The following CLCN1 variants were observed in gnomAD, a reference collection of about 807,000 sequenced individuals.
The protein encoded by CLCN1 is chloride voltage-gated channel 1.
A neutral mutation model predicts 114.5 loss-of-function variants in CLCN1; 100 were observed. The observed-to-expected ratio is 0.87, with a 90% CI of 0.74 to 1.03. CLCN1 has a LOEUF of 1.03. Ranked by LOEUF, CLCN1 falls within the 50% of genes least tolerant of loss-of-function variation. CLCN1 has a pLI of 0.00. For missense variants in CLCN1, 1,188 were observed against 1,250.0 expected (o/e 0.95, Z 0.75); for synonymous variants, 485 against 487.1 (o/e 1.00, Z 0.06).
At chr7:143,329,847 T>C (rs1027354750) in intron 7 of CLCN1, among the ~76,000 whole-genome samples, 1 of 151,976 alleles carries the variant, frequency 6.6e-6, no homozygotes, top group Non-Finnish European at 1.5e-5. Flanking sequence ...TGCATCAGAT[T>C]AAAGTCCACC....
At chr7:143,337,099 T>G (rs572800457) in intron 12 of CLCN1, among the ~76,000 whole-genome samples, 14 of 152,222 alleles carry the variant, frequency 9.2e-5, no homozygotes, top group Non-Finnish European at 2.1e-4. Context: ...TCTGGTCATC[T>G]GCATTTTAAA....
At chr7:143,345,992 A>G (rs1803232302) in intron 17 of CLCN1, 148 bp from the exon 18 acceptor site, 1 of 788,856 alleles carries the variant, frequency 1.3e-6, no homozygotes, top group Non-Finnish European at 2.2e-6. Context: ...AGATGATGGT[A>G]TCCTCGACAA....
In CLCN1 at chr7:143,346,559, C is replaced by A. The variant is rs993813533; in HGVS notation, c.2285-20C>A. 2.5e-6 allele frequency: 4 copies of A among 1,578,312 alleles called. No individual in the cohort carries two copies. The highest frequency in any genetic ancestry group is 3.5e-6 in the Non-Finnish European group (4 of 1,150,300). On this transcript the variant is annotated intron_variant, in intron 18 of 22. Coordinates refer to ENST00000343257, the MANE Select transcript of CLCN1 (RefSeq NM_000083.3). ...CCTGTTGCTTTGTGTCCATTTCCAT[C>A]CACTCACCTGTCCTCTCAGGTCAAA...
At chr7:143,318,991 G>A (rs1362560895) in intron 1 of CLCN1, among the ~76,000 whole-genome samples, 1 of 152,234 alleles carries the variant, frequency 6.6e-6, no homozygotes, top group Non-Finnish European at 1.5e-5. Flanking sequence ...GACAGTTAGT[G>A]TAGTGGGAGT....
At position 143,339,123 on chromosome 7, in the gene CLCN1, A is replaced by T; in HGVS notation, c.1402-130A>T. The T allele has an allele frequency of 1.3e-6, 1 of 777,124 alleles. No homozygotes were observed. The highest frequency in any genetic ancestry group is 2.5e-5 in the East Asian group (1 of 40,552). The allele number at this position is 777,124 out of a possible 1,614,324, so 48.1% of individuals were successfully genotyped here. A position where few individuals can be genotyped will look rare whatever the true frequency, so the allele number is the denominator to read the frequency against. The stretch of plus-strand genomic sequence containing the variant: ...TTTGTTTCTGGAAGAAGGGTGACAG[A>T]CAAAGTGACTTTCAGAAGGATCAGC... On this transcript the variant is annotated intron_variant, in intron 12 of 22. Transcript: ENST00000343257. The surrounding 1 kb of genome is among the most constrained non-coding windows in gnomAD (Gnocchi z 4.1).
chr7:143,346,316 G>T, intron 18 of CLCN1, 65 bp downstream of exon 18: 1 of 1,106,450 alleles, frequency 9.0e-7, no homozygotes, highest in Non-Finnish European at 1.4e-6. Context: ...ACTAGGACCT[G>T]ACCTTGACCT....
Position 143,316,240 on chromosome 7 carries a change from G to T in CLCN1, c.28G>T (p.Gly10Trp). 6.2e-7 allele frequency: 1 copy of T among 1,613,546 alleles called. No homozygotes were observed. The highest frequency in any genetic ancestry group is 8.5e-7 in the Non-Finnish European group (1 of 1,179,650). Residue 10 changes from glycine (G) to tryptophan (W), a missense_variant, in exon 1 of 23, where the codon GGG (glycine) becomes TGG (tryptophan). Physicochemically the swap from Gly to Trp is radical, Grantham distance 184. Transcript: ENST00000343257. ...GGAGCAATCCCGGTCACAGCAGCGT[G>T]GGGGTGAACAAAGCTGGTGGGGTAG... is the stretch of plus-strand genomic sequence containing the variant. MEQSRSQQRGGEQSWWGSDP... is the reference protein window; with the variant it reads MEQSRSQQRWGEQSWWGSDP...
rs764384808 is a variant in CLCN1, at chr7:143,316,149, C to T, written c.-64C>T. 1 of 1,353,176 alleles carries T rather than the reference C, an allele frequency of 7.4e-7. No individual in the cohort carries two copies. Among genetic ancestry groups the T allele is most frequent in the Non-Finnish European group, 1.1e-6 (1 of 948,550 alleles). 83.8% of individuals were successfully genotyped at this position (1,353,176 alleles called of 1,614,324 possible). Reference sequence around the variant, plus strand: ...ACAGCAAGAGCAGAGGCTTAAGGAGCTACACTGGGGGAAGGACAGGGGCAA... The same window carrying T: ...ACAGCAAGAGCAGAGGCTTAAGGAGTTACACTGGGGGAAGGACAGGGGCAA... On this transcript the variant is annotated 5_prime_UTR_variant, in exon 1 of 23. Transcript: ENST00000343257.
chr7:143,320,739 T>TG lies in CLCN1; in HGVS notation c.378dup (p.Leu127AlafsTer132), dbSNP rs1320040467. ...GGGATCTTTCTGGTGCTTCTGGGACTGCTGATGGCTCTGGTCAGCTGGAGC... is the reference window on the plus strand; with the variant it reads ...GGGATCTTTCTGGTGCTTCTGGGACTGGCTGATGGCTCTGGTCAGCTGGAGC... On this transcript the variant is annotated frameshift_variant, in exon 3 of 23. Coordinates refer to ENST00000343257, the MANE Select transcript of CLCN1 (RefSeq NM_000083.3). LOFTEE classifies it high-confidence loss of function. 1.2e-6 allele frequency: 2 copies of TG among 1,613,738 alleles called. No individual in the cohort carries two copies.
chr7:143,331,542 C>T lies in CLCN1; in HGVS notation c.1065-9C>T, dbSNP rs1422205428. The T allele has an allele frequency of 2.5e-6, 4 of 1,587,562 alleles. No individual in the cohort carries two copies. In the South Asian group the frequency reaches 3.3e-5, roughly 13 times the overall value. ...TGTAAGATTCCAACTCTATAAATTA[C>T]ACCCTCAGGATTTGCTGTGGGCTCC... On this transcript the variant is annotated splice_polypyrimidine_tract_variant and intron_variant, in intron 9 of 22. Transcript: ENST00000343257.
chr7:143,346,755 C>T (rs1264404887), intron 19 of CLCN1, 97 bp downstream of exon 19: 2 of 1,246,012 alleles, frequency 1.6e-6, no homozygotes, highest in African/African-American at 3.0e-5. Flanking sequence ...AGAGACCCCA[C>T]CAAGGAGGAG....
chr7:143,320,581 C>CTCTCTG (rs1302789658), intron 2 of CLCN1, 83 bp from the exon 3 acceptor site: 1 of 1,143,138 alleles, frequency 8.7e-7, no homozygotes, highest in Non-Finnish European at 1.3e-6. Context: ...CTCTCTCTCT[C>CTCTCTG]TCTCTGTCTC....
At chr7:143,342,265 C>A in intron 15 of CLCN1, 107 bp from the exon 16 acceptor site, 2 of 1,476,744 alleles carry the variant, frequency 1.4e-6, no homozygotes, top group Non-Finnish European at 1.9e-6. Context: ...TATTCTCATG[C>A]ACCTAGTAGA....
chr7:143,325,894 CAT>C (rs1159754243), intron 7 of CLCN1, among the ~76,000 whole-genome samples: 2 of 152,152 alleles, frequency 1.3e-5, no homozygotes, highest in African/African-American at 4.8e-5. Flanking sequence ...ACAGATAAAA[CAT>C]TGCTGTTGAC....
intron 7 of CLCN1, among the ~76,000 whole-genome samples, chr7:143,328,255 G>A (rs1037944557): frequency 6.6e-6 from 1 of 152,014 alleles, no homozygotes; most frequent in Non-Finnish European, 1.5e-5. Flanking sequence ...GAGCATACAT[G>A]AAATTGAGAG....
chr7:143,317,733 T>C (rs1018126623), intron 1 of CLCN1, among the ~76,000 whole-genome samples: 1 of 152,088 alleles, frequency 6.6e-6, no homozygotes, highest in Non-Finnish European at 1.5e-5. Context: ...AAGGCAGCGC[T>C]AGGGACCCAG....
At chr7:143,341,148 T>C (rs942917858) in intron 14 of CLCN1, among the ~76,000 whole-genome samples, 1 of 152,312 alleles carries the variant, frequency 6.6e-6, no homozygotes, top group Non-Finnish European at 1.5e-5. Flanking sequence ...ACAGGTCTCA[T>C]TGCTGCATGT....
intron 12 of CLCN1, among the ~76,000 whole-genome samples, chr7:143,333,300 C>CAA (rs56344035): frequency 1.4e-5 from 2 of 139,012 alleles, no homozygotes; most frequent in Non-Finnish European, 1.6e-5. Context: ...GATTCTGTCT[C>CAA]AAAAAAAAAA....
chr7:143,322,585 C>T lies in CLCN1; in HGVS notation c.697-724C>T, dbSNP rs549033957. ...TTGCCCAAGCTGGAGTGCAGTGGTG[C>T]GATCTTGGCTCACTGCAACCTCCAC... is the stretch of plus-strand genomic sequence containing the variant. On this transcript the variant is annotated intron_variant, in intron 5 of 22. Transcript: ENST00000343257. Among the ~76,000 whole-genome samples the T allele has an allele frequency of 3.9e-5, 6 of 152,330 alleles. No individual in the cohort carries two copies. In the East Asian group the frequency reaches 9.6e-4, roughly 24 times the overall value.
Sources: gnomAD v4.1 joint callset for allele counts (sites outside exome capture counted in the v4.1 genomes callset) on GRCh38, gnomAD v4.1.1 for gene constraint, Gnocchi (gnomAD v3.1) non-coding constraint, MANE v1.5 for transcripts, NCBI Gene and HGNC (gene_info 2026-07-23, HGNC 2026-07-21) for gene names.